EEPD1: variants seen among roughly 807,000 people sequenced by gnomAD.
EEPD1 encodes endonuclease/exonuclease/phosphatase family domain-containing protein 1.
In EEPD1, 17 loss-of-function variants were observed where a neutral mutation model predicts 46.3. The observed-to-expected ratio is 0.37, with a 90% confidence interval of 0.25 to 0.55. The LOEUF (loss-of-function observed/expected upper bound fraction) is 0.55, where lower values mean the gene tolerates loss of function less well. Ranked by LOEUF, EEPD1 falls within the 20% of genes least tolerant of loss-of-function variation. The pLI is 0.83. For synonymous variants in EEPD1, 313 were observed against 315.6 expected (o/e 0.99, Z 0.09); for missense variants, 673 against 745.6 (o/e 0.90, Z 1.13).
At chr7:36,272,035 C>T (rs1787113862) in intron 3 of EEPD1, among the ~76,000 whole-genome samples, 1 of 151,964 alleles carries the variant, frequency 6.6e-6, no homozygotes, top group Non-Finnish European at 1.5e-5. Context: ...ATGCCTGCCA[C>T]AACGCCCCGC....
intron 2 of EEPD1, among the ~76,000 whole-genome samples, chr7:36,179,028 AAAT>A (rs1213854571): frequency 1.3e-5 from 2 of 152,256 alleles, no homozygotes; most frequent in African/African-American, 4.8e-5. Flanking sequence ...AAGGGGAAGA[AAAT>A]AATAAAAGAA....
chr7:36,271,358 C>T (rs1283123715), intron 3 of EEPD1, among the ~76,000 whole-genome samples: 4 of 152,074 alleles, frequency 2.6e-5, no homozygotes, highest in Non-Finnish European at 4.4e-5. Flanking sequence ...CTCTAATGAC[C>T]AGTGATGATG....
At chr7:36,263,834 C>T (rs10242613) in intron 3 of EEPD1, among the ~76,000 whole-genome samples, 19,086 of 152,112 alleles carry the variant, frequency 0.13, 1,705 homozygotes, top group East Asian at 0.36. Context: ...TGCTATGTAT[C>T]GATTGTTTTG....
intron 3 of EEPD1, among the ~76,000 whole-genome samples, chr7:36,246,091 A>G (rs1456727780): frequency 1.3e-5 from 2 of 152,236 alleles, no homozygotes; most frequent in African/African-American, 2.4e-5. Flanking sequence ...CGGTCATTCC[A>G]GCTGGACCGT....
At chr7:36,249,541 G>A (rs182280734) in intron 3 of EEPD1, among the ~76,000 whole-genome samples, 1 of 152,172 alleles carries the variant, frequency 6.6e-6, no homozygotes, top group East Asian at 1.9e-4. Context: ...AAAAAAATCC[G>A]TGGTAGGTCT....
At chr7:36,258,958 C>T (rs1428888161) in intron 3 of EEPD1, among the ~76,000 whole-genome samples, 1 of 151,846 alleles carries the variant, frequency 6.6e-6, no homozygotes, top group Non-Finnish European at 1.5e-5. Context: ...TGCTTGAAAC[C>T]CAGGGCCCGG....
rs953124653 is a variant in EEPD1, at chr7:36,287,781, G to A, written c.1315+4G>A. 6.2e-7 allele frequency: 1 copy of A among 1,613,440 alleles called. No homozygotes were observed. The highest frequency in any genetic ancestry group is 8.5e-7 in the Non-Finnish European group (1 of 1,179,584). ...ACCCTACAGGAAACCCTGAAAGGTAGGACATTGTCTTTTGCTGTGACTCGG... is the reference window on the plus strand; with the variant it reads ...ACCCTACAGGAAACCCTGAAAGGTAAGACATTGTCTTTTGCTGTGACTCGG... On this transcript the variant is annotated splice_donor_region_variant and intron_variant, in intron 6 of 7. Transcript: ENST00000242108.
chr7:36,236,720 T>C (rs568431569), intron 2 of EEPD1, among the ~76,000 whole-genome samples: 260 of 152,344 alleles, frequency 1.7e-3, no homozygotes, highest in Non-Finnish European at 1.9e-3. Flanking sequence ...AGAACTTTTC[T>C]GTCTAGCTAA....
chr7:36,180,962 C>T (rs1785261075), intron 2 of EEPD1, among the ~76,000 whole-genome samples: 4 of 152,046 alleles, frequency 2.6e-5, no homozygotes, highest in East Asian at 1.9e-4. Context: ...GACCACCACC[C>T]CACACTTTCA....
chr7:36,264,039 T>C (rs534191521), intron 3 of EEPD1, among the ~76,000 whole-genome samples: 1 of 152,326 alleles, frequency 6.6e-6, no homozygotes, highest in South Asian at 2.1e-4. Flanking sequence ...TATATATGTT[T>C]GTGGGGGAGA....
chr7:36,265,789 A>G (rs1787006182), intron 3 of EEPD1, among the ~76,000 whole-genome samples: 1 of 152,224 alleles, frequency 6.6e-6, no homozygotes, highest in African/African-American at 2.4e-5. Context: ...TCAAAGAGGA[A>G]GAAAATTCTA....
At chr7:36,287,986 C>G (rs572802380) in intron 6 of EEPD1, among the ~76,000 whole-genome samples, 11 of 152,298 alleles carry the variant, frequency 7.2e-5, no homozygotes, top group Admixed American at 5.2e-4. Context: ...CATATGCGTT[C>G]CAAGCTGTCA....
intron 2 of EEPD1, among the ~76,000 whole-genome samples, chr7:36,232,101 T>C (rs926241328): frequency 2.0e-5 from 3 of 152,038 alleles, no homozygotes; most frequent in Admixed American, 6.5e-5. Flanking sequence ...TTTGAAACAC[T>C]TAACTGTGTA....
intron 2 of EEPD1, among the ~76,000 whole-genome samples, chr7:36,223,153 AAAAT>A (rs142182000): frequency 1.6e-4 from 24 of 150,496 alleles, no homozygotes; most frequent in East Asian, 5.9e-4. Context: ...TGTGTCTCAA[AAAAT>A]AAATAAATAA....
At chr7:36,236,413 C>T (rs943577650) in intron 2 of EEPD1, among the ~76,000 whole-genome samples, 1 of 152,218 alleles carries the variant, frequency 6.6e-6, no homozygotes, top group Non-Finnish European at 1.5e-5. Context: ...GGCTGAATCC[C>T]GTGCGTGGAC....
chr7:36,155,443 C>T (rs1309665343), intron 2 of EEPD1, among the ~76,000 whole-genome samples: 2 of 152,140 alleles, frequency 1.3e-5, no homozygotes, highest in Non-Finnish European at 2.9e-5. Flanking sequence ...GAGACTGATT[C>T]ATAATTTTGG....
chr7:36,272,830 C>T (rs1376686722), intron 3 of EEPD1, among the ~76,000 whole-genome samples: 4 of 152,348 alleles, frequency 2.6e-5, no homozygotes, highest in Non-Finnish European at 4.4e-5. Context: ...AAGTGGCACA[C>T]TGTGACACAG....
At chr7:36,174,545 T>A (rs1785146079) in intron 2 of EEPD1, among the ~76,000 whole-genome samples, 1 of 152,216 alleles carries the variant, frequency 6.6e-6, no homozygotes, top group South Asian at 2.1e-4. Context: ...CAGGCCCTGG[T>A]CTCCGCCAGG....
At chr7:36,247,127 A>G (rs1454540086) in intron 3 of EEPD1, among the ~76,000 whole-genome samples, 1 of 151,608 alleles carries the variant, frequency 6.6e-6, no homozygotes, top group Non-Finnish European at 1.5e-5. Context: ...CATCTCAAAA[A>G]AAAAAAAAAA....
Sources: allele counts gnomAD v4.1 joint callset (sites outside exome capture counted in the v4.1 genomes callset), GRCh38; gene constraint gnomAD v4.1.1; transcripts MANE v1.5; gene names NCBI Gene and HGNC (gene_info 2026-07-23, HGNC 2026-07-21).